The following BRWD3 variants were observed in gnomAD, a reference collection of about 807,000 sequenced individuals.
The protein encoded by BRWD3 is bromodomain and WD repeat domain containing 3.
In BRWD3, 10 loss-of-function variants were observed where a neutral mutation model predicts 149.7. The observed-to-expected ratio is 0.07, with a 90% CI of 0.04 to 0.11. The LOEUF (loss-of-function observed/expected upper bound fraction) is 0.11, where lower values mean the gene tolerates loss of function less well. Ranked by LOEUF, BRWD3 falls within the 10% of genes least tolerant of loss-of-function variation. The pLI is 1.00. For missense variants in BRWD3, 940 were observed against 1,373.2 expected (o/e 0.68, Z 4.99); for synonymous variants, 504 against 456.7 (o/e 1.10, Z -1.32).
At chrX:80,777,147 C>A (rs1025544638) in intron 6 of BRWD3, among the ~76,000 whole-genome samples, 4 of 109,261 alleles carry the variant, frequency 3.7e-5, no homozygotes, top group Non-Finnish European at 1.9e-5. Context: ...CTTAAGACCC[C>A]CCCCCACGAA....
At chrX:80,683,594 CA>C (rs1486095444) in intron 37 of BRWD3, among the ~76,000 whole-genome samples, 1 of 111,290 alleles carries the variant, frequency 9.0e-6, no homozygotes, top group Non-Finnish European at 1.9e-5. Flanking sequence ...TAAGTTCTGA[CA>C]AAAATAGGGA....
chrX:80,751,324 T>C (rs889514519), intron 6 of BRWD3, among the ~76,000 whole-genome samples: 49 of 112,121 alleles, frequency 4.4e-4, no homozygotes, highest in African/African-American at 1.5e-3. Flanking sequence ...CTTTCTGTAA[T>C]GTATACATAG....
At chrX:80,715,414 C>T (rs182023137) in intron 20 of BRWD3, among the ~76,000 whole-genome samples, 50 of 111,793 alleles carry the variant, frequency 4.5e-4, no homozygotes, top group Non-Finnish European at 5.7e-4. Context: ...TGTTTAACAA[C>T]ATCAAAATCA....
intron 6 of BRWD3, among the ~76,000 whole-genome samples, chrX:80,774,210 C>T (rs2073977157): frequency 9.0e-6 from 1 of 111,046 alleles, no homozygotes; most frequent in Admixed American, 9.6e-5. Flanking sequence ...TCTATCCTGA[C>T]CCACCTTTAT....
At position 80,779,763 on chromosome X, in the gene BRWD3, C is replaced by A. The variant is rs979885414; in HGVS notation, c.430+12091G>T. On this transcript the variant is annotated intron_variant, in intron 6 of 40. Coordinates refer to ENST00000373275, the MANE Select transcript of BRWD3 (RefSeq NM_153252.5). The stretch of plus-strand genomic sequence containing the variant: ...AAATTACAAAGGTATAGAATTACTT[C>A]TTTCATGGATTTGATTCTATGGATC... 3.6e-5 allele frequency among the ~76,000 whole-genome samples: 4 copies of A among 111,731 alleles called. No homozygotes were observed. In the South Asian group the frequency reaches 1.5e-3, roughly 41 times the overall value.
intron 8 of BRWD3, among the ~76,000 whole-genome samples, chrX:80,740,710 C>T (rs2073474581): frequency 8.9e-6 from 1 of 111,861 alleles, no homozygotes; most frequent in African/African-American, 3.3e-5. Flanking sequence ...GATCCCACCA[C>T]TGCACTCCAG....
intron 4 of BRWD3, among the ~76,000 whole-genome samples, chrX:80,804,458 G>C (rs1466843578): frequency 4.5e-5 from 5 of 110,983 alleles, no homozygotes; most frequent in South Asian, 7.6e-4. Context: ...GGCTGGTCTT[G>C]AACTCCTGAC....
chrX:80,801,785 T>C (rs1202989861), intron 4 of BRWD3, among the ~76,000 whole-genome samples: 1 of 110,955 alleles, frequency 9.0e-6, no homozygotes, highest in Non-Finnish European at 1.9e-5. Flanking sequence ...GAGGTTGCAG[T>C]GAGTGCCACT....
intron 39 of BRWD3, 23 bp downstream of exon 39, chrX:80,681,974 C>T: frequency 8.7e-7 from 1 of 1,153,863 alleles, no homozygotes; most frequent in Non-Finnish European, 1.2e-6. Context: ...ATGCAGAACA[C>T]CAAAAACAAA....
Position 80,805,482 on chromosome X carries a change from C to A in BRWD3, c.180+3057G>T, listed in dbSNP as rs747394083. Among the ~76,000 whole-genome samples the A allele has an allele frequency of 7.2e-5, 8 of 111,137 alleles. No individual in the cohort carries two copies. The South Asian group carries it at 3.0e-3, about 42-fold the overall frequency. On this transcript the variant is annotated intron_variant, in intron 4 of 40. Coordinates refer to ENST00000373275, the MANE Select transcript of BRWD3 (RefSeq NM_153252.5). Reference sequence around the variant, plus strand: ...ACATTTGTACTCTTTCCTTTTCATACCCCAATACACCTTAAGTTTGTAATG... The same window carrying A: ...ACATTTGTACTCTTTCCTTTTCATAACCCAATACACCTTAAGTTTGTAATG...
chrX:80,765,573 A>G (rs906142767), intron 6 of BRWD3, among the ~76,000 whole-genome samples: 6 of 112,116 alleles, frequency 5.4e-5, no homozygotes, highest in Non-Finnish European at 3.8e-5. Context: ...AGAACTGAGT[A>G]CTGTAAGTGT....
At chrX:80,734,243 A>C in intron 10 of BRWD3, 25 bp from the exon 11 acceptor site, 2 of 1,012,616 alleles carry the variant, frequency 2.0e-6, no homozygotes, top group African/African-American at 1.9e-5. Context: ...AACAAAACAA[A>C]ACATAGTACC....
intron 20 of BRWD3, among the ~76,000 whole-genome samples, chrX:80,713,083 T>C (rs1201106432): frequency 1.4e-4 from 15 of 104,581 alleles, no homozygotes; most frequent in South Asian, 8.8e-4. Context: ...GTCAGCCCCC[T>C]GCCCGGCCAG....
intron 6 of BRWD3, among the ~76,000 whole-genome samples, chrX:80,785,895 T>C (rs997749732): frequency 3.6e-5 from 4 of 111,730 alleles, no homozygotes; most frequent in African/African-American, 6.5e-5. Context: ...CCAGGCATGG[T>C]GGCAGGAGCC....
intron 6 of BRWD3, among the ~76,000 whole-genome samples, chrX:80,756,032 T>C (rs908082078): frequency 8.9e-6 from 1 of 111,861 alleles, no homozygotes; most frequent in Non-Finnish European, 1.9e-5. Context: ...ACATTTTCTA[T>C]TAGGTTCTTC....
chrX:80,682,322 A>T, intron 38 of BRWD3, 143 bp downstream of exon 38: 1 of 708,747 alleles, frequency 1.4e-6, no homozygotes, highest in African/African-American at 2.2e-5. Context: ...TTGATTACTA[A>T]CTCTACATAG....
rs780056223 is a variant in BRWD3, at chrX:80,696,856, T to G, written c.2951A>C (p.Glu984Ala). ...TTTGATTCCTACAATCTTAACAAAC[T>G]CTTGCTCCTATTCATGAGAATACCA... ...PWNKMDLREQ[E>A]FVKIVGIKYE... The change falls in exon 26 of 41, where the codon GAG becomes GCG. Residue 984 changes from glutamate (E) to alanine (A), a missense_variant. Physicochemically the swap from Glu to Ala is moderately radical, Grantham distance 107 (BLOSUM62 -1). This residue lies in a region of BRWD3 where 158 missense variants were observed against 284.0 expected (regional missense o/e 0.56). Transcript: ENST00000373275. 1 of 1,197,803 alleles carries G rather than the reference T, an allele frequency of 8.3e-7. No individual in the cohort carries two copies. The highest frequency in any genetic ancestry group is 1.1e-6 in the Non-Finnish European group (1 of 883,271).
At chrX:80,742,573 T>TGAA (rs1370666548) in intron 8 of BRWD3, among the ~76,000 whole-genome samples, 2 of 110,291 alleles carry the variant, frequency 1.8e-5, no homozygotes, top group Non-Finnish European at 3.8e-5. Context: ...TTTATTTCAT[T>TGAA]GAGCAGTGGT....
rs755712800 is a variant in BRWD3 at position 80,676,799 on chromosome X, C to T, written c.5219G>A (p.Arg1740His). 1.5e-5 allele frequency: 18 copies of T among 1,209,055 alleles called. No individual in the cohort carries two copies. The South Asian group carries it at 2.8e-4, about 19-fold the overall frequency. Residue 1740 changes from arginine (R) to histidine (H), a missense_variant, in exon 41 of 41, where the codon CGT (arginine) becomes CAT (histidine). By Grantham distance (29) the Arg-to-His change is conservative (BLOSUM62 0). Around this residue, in one of 6 missense-constraint regions of BRWD3, gnomAD observed 349 missense variants for 419.6 expected, o/e 0.83. Coordinates refer to ENST00000373275, the MANE Select transcript of BRWD3 (RefSeq NM_153252.5). Reference sequence around the variant, plus strand: ...TTTAATTCGAGGCAGTCTACTGAAACGTCCTGAAAACATGGTATCAAATTC... The same window carrying T: ...TTTAATTCGAGGCAGTCTACTGAAATGTCCTGAAAACATGGTATCAAATTC... ...DDEFDTMFSG[R>H]FSRLPRIKTR...
Sources: gnomAD v4.1 joint callset for allele counts (sites outside exome capture counted in the v4.1 genomes callset) on GRCh38, gnomAD v4.1.1 for gene constraint, gnomAD v4.1.1 regional missense constraint, MANE v1.5 for transcripts, NCBI Gene and HGNC (gene_info 2026-07-23, HGNC 2026-07-21) for gene names.